ETV6: variants seen among roughly 807,000 people sequenced by gnomAD.
ETV6 encodes transcription factor ETV6.
ETV6 carries 16 observed loss-of-function variants against 51.1 expected under a neutral mutation model. The ratio of observed to expected loss-of-function variants is 0.31; its 90% CI spans 0.21 to 0.48. ETV6 has a LOEUF of 0.48. Among genes scored for constraint, ETV6 ranks in the 20% least tolerant of loss-of-function variants. The pLI, the probability that ETV6 is intolerant of heterozygous loss-of-function variation, is 0.99. For missense variants in ETV6, 458 were observed against 594.8 expected (o/e 0.77, Z 2.39); for synonymous variants, 240 against 224.1 (o/e 1.07, Z -0.64).
intron 1 of ETV6, among the ~76,000 whole-genome samples, chr12:11,651,481 G>T (rs146486376): frequency 2.0e-5 from 3 of 152,302 alleles, no homozygotes; most frequent in Admixed American, 6.5e-5. Flanking sequence ...TCAAAAGGTG[G>T]TTTGGGCTTC....
chr12:11,700,003 C>A (rs1321830580), intron 1 of ETV6, among the ~76,000 whole-genome samples: 1 of 152,134 alleles, frequency 6.6e-6, no homozygotes, highest in Non-Finnish European at 1.5e-5. Flanking sequence ...TCCAAGTCAG[C>A]CCAGTGCTGT....
chr12:11,691,529 T>C (rs1252060465), intron 1 of ETV6, among the ~76,000 whole-genome samples: 2 of 152,240 alleles, frequency 1.3e-5, no homozygotes, highest in African/African-American at 4.8e-5. Context: ...ATAAAAAGTA[T>C]GTAGCTATAT....
At chr12:11,778,948 G>A (rs375787393) in intron 2 of ETV6, among the ~76,000 whole-genome samples, 79 of 152,270 alleles carry the variant, frequency 5.2e-4, no homozygotes, top group African/African-American at 1.5e-3. Flanking sequence ...TGTCAGACTT[G>A]GGTTGGTGGT....
chr12:11,705,199 C>G (rs1865052044), intron 1 of ETV6, among the ~76,000 whole-genome samples: 2 of 152,178 alleles, frequency 1.3e-5, no homozygotes, highest in Non-Finnish European at 2.9e-5. Context: ...ACAGGAGACA[C>G]ATAACGTCAT....
intron 2 of ETV6, among the ~76,000 whole-genome samples, chr12:11,783,546 GT>G (rs1194136019): frequency 6.6e-6 from 1 of 152,068 alleles, no homozygotes; most frequent in Non-Finnish European, 1.5e-5. Flanking sequence ...TTTTGCTTTT[GT>G]TTTGTTTATT....
chr12:11,795,423 G>C (rs796889948), intron 2 of ETV6, among the ~76,000 whole-genome samples: 12 of 152,330 alleles, frequency 7.9e-5, no homozygotes, highest in African/African-American at 2.6e-4. Flanking sequence ...TTCTGGCCTT[G>C]GGGACGATGC....
chr12:11,669,608 A>G (rs924136991), intron 1 of ETV6, among the ~76,000 whole-genome samples: 1 of 151,662 alleles, frequency 6.6e-6, no homozygotes, highest in African/African-American at 2.4e-5. Context: ...TTATTAGCTT[A>G]CTTAGCTTTA....
chr12:11,874,376 C>CA (rs35586470), intron 5 of ETV6, among the ~76,000 whole-genome samples: 4,847 of 66,060 alleles, frequency 0.073, 579 homozygotes, highest in Middle Eastern at 0.16. Context: ...TACTCTGTCT[C>CA]AAAAAAAAAA....
At chr12:11,795,137 CCTTA>C (rs1273773806) in intron 2 of ETV6, among the ~76,000 whole-genome samples, 3 of 152,216 alleles carry the variant, frequency 2.0e-5, no homozygotes, top group African/African-American at 7.2e-5. Flanking sequence ...TGGATCTGTG[CCTTA>C]CTTTTAACTT....
chr12:11,832,989 A>G (rs375952256), intron 2 of ETV6, among the ~76,000 whole-genome samples: 5 of 152,256 alleles, frequency 3.3e-5, no homozygotes, highest in South Asian at 2.1e-4. Flanking sequence ...ATTACAGAGT[A>G]TAGATGCTAG....
rs5796457 is a variant in ETV6, at chr12:11,674,615, T to TTGTGTGTGTGTG, written c.33+24491_33+24502dup. Among the ~76,000 whole-genome samples, 530 of 133,218 alleles carry TTGTGTGTGTGTG rather than the reference T, an allele frequency of 4.0e-3. 4 individuals carry two copies. Among genetic ancestry groups the TTGTGTGTGTGTG allele is most frequent in the Middle Eastern group, 0.011 (3 of 270 alleles). 87.4% of individuals were successfully genotyped at this position (133,218 alleles called of 152,430 possible). ...CCATAGGGGTTAATGTAGGGGTTAT[T>TTGTGTGTGTGTG]TGTGTGTGTGTGTGTGTGTGTGTGT... On this transcript the variant is annotated intron_variant, in intron 1 of 7. Transcript: ENST00000396373.
chr12:11,653,131 C>T (rs893789175), intron 1 of ETV6, among the ~76,000 whole-genome samples: 11 of 152,070 alleles, frequency 7.2e-5, no homozygotes, highest in African/African-American at 2.4e-4. Flanking sequence ...CATTTGGGGT[C>T]GTTTAAATGG....
At chr12:11,846,334 C>T (rs1209152727) in intron 3 of ETV6, among the ~76,000 whole-genome samples, 1 of 151,998 alleles carries the variant, frequency 6.6e-6, no homozygotes, top group Non-Finnish European at 1.5e-5. Context: ...AGATAATCTA[C>T]GTGTAAGGAT....
At chr12:11,884,293 C>T (rs1477953263) in intron 5 of ETV6, 152 bp from the exon 6 acceptor site, 4 of 862,616 alleles carry the variant, frequency 4.6e-6, no homozygotes, top group Non-Finnish European at 7.3e-6. Flanking sequence ...TTCTGGGCCT[C>T]CGTTTCTTCC....
intron 2 of ETV6, among the ~76,000 whole-genome samples, chr12:11,829,512 C>G (rs531672456): frequency 6.6e-6 from 1 of 152,298 alleles, no homozygotes; most frequent in South Asian, 2.1e-4. Context: ...CTACATGGCT[C>G]TCACCACATT....
At chr12:11,690,073 G>C (rs552327212) in intron 1 of ETV6, among the ~76,000 whole-genome samples, 1 of 152,138 alleles carries the variant, frequency 6.6e-6, no homozygotes, top group African/African-American at 2.4e-5. Flanking sequence ...TTGTGGTGCT[G>C]AGGTAACTGA....
chr12:11,868,739 GA>G (rs558520936), intron 4 of ETV6, among the ~76,000 whole-genome samples: 148 of 152,192 alleles, frequency 9.7e-4, no homozygotes, highest in African/African-American at 3.3e-3. Context: ...TTTTAGTTGT[GA>G]AAATGTAAGT....
chr12:11,887,339 C>T lies in ETV6; in HGVS notation c.1253+1313C>T, dbSNP rs1947208351. Among the ~76,000 whole-genome samples the T allele has an allele frequency of 2.6e-5, 4 of 152,162 alleles. No homozygotes were observed. The South Asian group carries it at 8.3e-4, about 31-fold the overall frequency. ...TCTCTATATCCAGCTCTAAAATCTC[C>T]CTGAAATTCCAAATTTGAATGTCCA... is the stretch of plus-strand genomic sequence containing the variant. On this transcript the variant is annotated intron_variant, in intron 7 of 7. Coordinates refer to ENST00000396373, the MANE Select transcript of ETV6 (RefSeq NM_001987.5).
chr12:11,810,231 G>C (rs1289441633), intron 2 of ETV6, among the ~76,000 whole-genome samples: 1 of 152,130 alleles, frequency 6.6e-6, no homozygotes, highest in Admixed American at 6.5e-5. Context: ...AATATACAGA[G>C]GGGTTGGAAG....
Sources: allele counts gnomAD v4.1 joint callset (sites outside exome capture counted in the v4.1 genomes callset), GRCh38; gene constraint gnomAD v4.1.1; transcripts MANE v1.5; gene names NCBI Gene and HGNC (gene_info 2026-07-23, HGNC 2026-07-21).